RXRA: variants seen among roughly 807,000 people sequenced by gnomAD.
RXRA encodes the protein retinoid X receptor alpha.
In RXRA, 5 loss-of-function variants were observed where a neutral mutation model predicts 44.5. The ratio of observed to expected loss-of-function variants is 0.11; its 90% confidence interval spans 0.06 to 0.24. RXRA has a LOEUF of 0.24. Ranked by LOEUF, RXRA falls within the 10% of genes least tolerant of loss-of-function variation. The pLI, the probability that RXRA is intolerant of heterozygous loss-of-function variation, is 1.00. For missense variants in RXRA, 412 were observed against 646.5 expected (o/e 0.64, Z 3.93); for synonymous variants, 291 against 271.4 (o/e 1.07, Z -0.71).
intron 1 of RXRA, among the ~76,000 whole-genome samples, chr9:134,393,544 G>A (rs1214028973): frequency 6.6e-6 from 1 of 152,236 alleles, no homozygotes; most frequent in African/African-American, 2.4e-5. Flanking sequence ...TCATAGCAAC[G>A]GCTGCAAGAC....
At chr9:134,421,340 T>G (rs1831326819) in intron 5 of RXRA, among the ~76,000 whole-genome samples, 1 of 152,080 alleles carries the variant, frequency 6.6e-6, no homozygotes, top group Non-Finnish European at 1.5e-5. Context: ...AACCCAGCAG[T>G]GTCTCTCTCC....
At chr9:134,334,774 T>TA (rs1829970320) in intron 1 of RXRA, among the ~76,000 whole-genome samples, 1 of 152,230 alleles carries the variant, frequency 6.6e-6, no homozygotes, top group Non-Finnish European at 1.5e-5. Flanking sequence ...GAAATGGCTC[T>TA]ATGCCCTCCC....
chr9:134,369,376 TTG>T (rs1271516194), intron 1 of RXRA, among the ~76,000 whole-genome samples: 2 of 83,664 alleles, frequency 2.4e-5, no homozygotes, highest in Non-Finnish European at 4.5e-5. Context: ...TGTGCGGGGG[TTG>T]TGTGTGGGAG....
rs528843304 is a variant in RXRA at position 134,389,312 on chromosome 9, G to T, written c.29-12320G>T. On this transcript the variant is annotated intron_variant, in intron 1 of 9. Coordinates refer to ENST00000481739, the MANE Select transcript of RXRA (RefSeq NM_002957.6). ...TGGTCACCCCCGGGGGGTTGCTCGT[G>T]GGATCCAGAGAAGTGGACGTTGGTG... 2.0e-5 allele frequency among the ~76,000 whole-genome samples: 3 copies of T among 152,294 alleles called. No homozygotes were observed. The East Asian group carries it at 5.8e-4, about 29-fold the overall frequency.
Position 134,439,765 on chromosome 9 carries a change from A to G in RXRA, c.*3151A>G, listed in dbSNP as rs750488550. 3.3e-5 allele frequency: 5 copies of G among 152,212 alleles called. No homozygotes were observed. The highest frequency in any genetic ancestry group is 7.3e-5 in the Non-Finnish European group (5 of 68,042). The allele number at this position is 152,212 out of a possible 1,614,324, so 9.4% of individuals were successfully genotyped here. ...TGTACAGAGAGACGCGTGTGGAGAGAGCCGCACACCAGCGCCACCCAGGAA... is the reference window on the plus strand; with the variant it reads ...TGTACAGAGAGACGCGTGTGGAGAGGGCCGCACACCAGCGCCACCCAGGAA... On this transcript the variant is annotated 3_prime_UTR_variant, in exon 10 of 10. Transcript: ENST00000481739.
At chr9:134,423,807 G>A (rs1831387750) in intron 6 of RXRA, 1 of 985,374 alleles carries the variant, frequency 1.0e-6, no homozygotes, top group Admixed American at 6.1e-5. Context: ...GCCAGCTGCA[G>A]GCCTGCCTGA....
chr9:134,410,600 T>C (rs1009956179), intron 4 of RXRA, among the ~76,000 whole-genome samples: 1 of 151,962 alleles, frequency 6.6e-6, no homozygotes, highest in Admixed American at 6.5e-5. Context: ...CCCTGGAAGA[T>C]GGAAACTGGG....
At chr9:134,422,609 C>T (rs528719187) in intron 6 of RXRA, 93 of 885,074 alleles carry the variant, frequency 1.1e-4, no homozygotes, top group African/African-American at 1.6e-4. Flanking sequence ...GCTCCCAGGA[C>T]GCTCCCCACT....
Position 134,426,327 on chromosome 9 carries a change from G to C in RXRA, c.911-2781G>C. 4.1e-6 allele frequency: 4 copies of C among 985,462 alleles called. No individual in the cohort carries two copies. Among genetic ancestry groups the C allele is most frequent in the Non-Finnish European group, 4.8e-6 (4 of 829,930 alleles). 61.0% of individuals were successfully genotyped at this position (985,462 alleles called of 1,614,324 possible). ...GCAGCGATGGAGCACTTAGGAAGGT[G>C]AAGACACCCCAAAGGTTACTGTAAA... is the stretch of plus-strand genomic sequence containing the variant. On this transcript the variant is annotated intron_variant, in intron 6 of 9. Coordinates refer to ENST00000481739, the MANE Select transcript of RXRA (RefSeq NM_002957.6). This position sits in a 1 kb window ranked among gnomAD's most constrained non-coding sequence, Gnocchi z 4.6.
At chr9:134,418,568 C>G (rs2119180664) in intron 5 of RXRA, among the ~76,000 whole-genome samples, 1 of 152,330 alleles carries the variant, frequency 6.6e-6, no homozygotes, top group South Asian at 2.1e-4. Context: ...GTGCTTGCAG[C>G]TCACGTGGCC....
chr9:134,354,709 C>T (rs1830262311), intron 1 of RXRA, among the ~76,000 whole-genome samples: 1 of 152,242 alleles, frequency 6.6e-6, no homozygotes, highest in Non-Finnish European at 1.5e-5. Flanking sequence ...CTGGCCTTCG[C>T]TGTAAGACTG....
intron 1 of RXRA, among the ~76,000 whole-genome samples, chr9:134,356,988 A>G (rs1011054258): frequency 6.6e-6 from 1 of 152,192 alleles, no homozygotes; most frequent in Non-Finnish European, 1.5e-5. Flanking sequence ...GGGCACCCCC[A>G]GGAAGCTCAG....
chr9:134,414,842 C>T (rs1831208266), intron 4 of RXRA, among the ~76,000 whole-genome samples: 1 of 152,212 alleles, frequency 6.6e-6, no homozygotes, highest in Non-Finnish European at 1.5e-5. Flanking sequence ...GGGGGCTGCT[C>T]AGCGTGGGTG....
chr9:134,405,861 C>T (rs1831042263), intron 2 of RXRA: 1 of 152,604 alleles, frequency 6.6e-6, no homozygotes, highest in African/African-American at 2.4e-5. Flanking sequence ...GATCCCCGCC[C>T]TGGCTGTACC....
chr9:134,329,476 C>T (rs1038538435), intron 1 of RXRA, among the ~76,000 whole-genome samples: 4 of 152,228 alleles, frequency 2.6e-5, no homozygotes, highest in Admixed American at 6.5e-5. Flanking sequence ...GGCTTGCTAG[C>T]CTCCAACCTT....
intron 2 of RXRA, among the ~76,000 whole-genome samples, chr9:134,406,807 C>A (rs1026087162): frequency 6.6e-6 from 1 of 152,256 alleles, no homozygotes; most frequent in Non-Finnish European, 1.5e-5. Context: ...GTTTCCCATG[C>A]AGGGAGTGTC....
At position 134,417,499 on chromosome 9, in the gene RXRA, C is replaced by T. The variant is rs1390493814; in HGVS notation, c.780+172C>T. On this transcript the variant is annotated intron_variant, in intron 5 of 9. Coordinates refer to ENST00000481739, the MANE Select transcript of RXRA (RefSeq NM_002957.6). The surrounding 1 kb of genome is among the most constrained non-coding windows in gnomAD (Gnocchi z 6.1). ...TGAGGTGACCCCGTGGGCCCCTCGC[C>T]CCAGCTGGGCGGCACTCTCCTCTCC... 6.6e-6 allele frequency among the ~76,000 whole-genome samples: 1 copy of T among 152,146 alleles called. No homozygotes were observed. Among genetic ancestry groups the T allele is most frequent in the East Asian group, 1.9e-4 (1 of 5,166 alleles).
chr9:134,431,994 C>G lies in RXRA; in HGVS notation c.1133C>G (p.Pro378Arg). 2 of 1,612,130 alleles carry G rather than the reference C, an allele frequency of 1.2e-6. No homozygotes were observed. Among genetic ancestry groups the G allele is most frequent in the Non-Finnish European group, 8.5e-7 (1 of 1,178,384 alleles). ...CTGCGCGCCATCGTCCTCTTTAACC[C>G]TGGTATGGCCTTCCTGCCTTGAGGC... ...GCLRAIVLFNPDSKGLSNPAE... is the reference protein window; with the variant it reads ...GCLRAIVLFNRDSKGLSNPAE... Residue 378 changes from proline to arginine, a missense_variant and splice_region_variant, in exon 8 of 10, where the codon CCT becomes CGT. Pro to Arg is a moderately radical substitution (Grantham distance 103, BLOSUM62 -2). Around this residue, in one of 4 missense-constraint regions of RXRA, gnomAD observed 141 missense variants for 270.8 expected, o/e 0.52. Transcript: ENST00000481739.
intron 1 of RXRA, among the ~76,000 whole-genome samples, chr9:134,354,411 G>A (rs970439768): frequency 2.0e-5 from 3 of 152,354 alleles, no homozygotes; most frequent in East Asian, 1.9e-4. Flanking sequence ...TGGTCGGTGC[G>A]TGTGTGGTGG....
Sources: allele counts gnomAD v4.1 joint callset (sites outside exome capture counted in the v4.1 genomes callset), GRCh38; gene constraint gnomAD v4.1.1; regional missense constraint gnomAD v4.1.1; non-coding constraint Gnocchi (gnomAD v3.1); transcripts MANE v1.5; gene names NCBI Gene and HGNC (gene_info 2026-07-23, HGNC 2026-07-21).